The following TRAF3IP2 variants were observed in gnomAD, a reference collection of about 807,000 sequenced individuals.
TRAF3IP2 encodes TRAF3 interacting protein 2, also known as E3 ubiquitin ligase TRAF3IP2.
TRAF3IP2 carries 35 observed loss-of-function variants against 57.9 expected under a neutral mutation model. The ratio of observed to expected loss-of-function variants is 0.60; its 90% CI spans 0.46 to 0.80. The LOEUF is 0.80. TRAF3IP2 is among the 30% of genes least tolerant of loss of function. The pLI is 0.00. For synonymous variants in TRAF3IP2, 251 were observed against 268.9 expected (o/e 0.93, Z 0.65); for missense variants, 556 against 706.4 (o/e 0.79, Z 2.41).
Position 111,559,501 on chromosome 6 carries a change from C to T in TRAF3IP2, c.1602G>A (p.Lys534=). ...LQNTHVYSWP[K]NKKNILLRLL... ...GCCGCAGCAGGATGTTTTTTTTATT[C>T]TTGGGCCAGCTGTAGACATGAGTGT... Residue 534 remains lysine, a synonymous_variant, in exon 9 of 9, where the codon AAG becomes AAA. Coordinates refer to ENST00000368761, the MANE Select transcript of TRAF3IP2 (RefSeq NM_147686.4). The T allele has an allele frequency of 6.2e-7, 1 of 1,614,130 alleles. No individual in the cohort carries two copies. Among genetic ancestry groups the T allele is most frequent in the South Asian group, 1.1e-5 (1 of 91,086 alleles).
In TRAF3IP2 at chr6:111,558,816, TAC is replaced by T. The variant is rs1362669781; in HGVS notation, c.*587_*588del. On this transcript the variant is annotated 3_prime_UTR_variant, in exon 9 of 9. Coordinates refer to ENST00000368761, the MANE Select transcript of TRAF3IP2 (RefSeq NM_147686.4). ...TAACTAGCTGGCTTTAATCCATTAA[TAC>T]AGAGTGGTCTGTTATATTTATCTAA... The T allele has an allele frequency of 1.3e-5, 2 of 152,276 alleles. No homozygotes were observed. Among genetic ancestry groups the T allele is most frequent in the Non-Finnish European group, 2.9e-5 (2 of 68,060 alleles). 9.4% of individuals were successfully genotyped at this position (152,276 alleles called of 1,614,324 possible). A position where few individuals can be genotyped will look rare whatever the true frequency, so the allele number is the denominator to read the frequency against.
chr6:111,560,933 A>G (rs1222224564), intron 8 of TRAF3IP2, among the ~76,000 whole-genome samples: 2 of 152,228 alleles, frequency 1.3e-5, no homozygotes, highest in African/African-American at 4.8e-5. Context: ...CTGTAATCCC[A>G]GCACTGGGGA....
chr6:111,567,406 TCTGGTTTGAC>T (rs1370914365), intron 6 of TRAF3IP2: 6 of 1,297,974 alleles, frequency 4.6e-6, no homozygotes, highest in Non-Finnish European at 5.8e-6. Flanking sequence ...ACCACCTGTG[TCTGGTTTGAC>T]CGTTATTTCC....
intron 3 of TRAF3IP2, chr6:111,576,535 C>T (rs1462172637): frequency 1.3e-5 from 2 of 152,384 alleles, no homozygotes; most frequent in African/African-American, 4.8e-5. Flanking sequence ...TTACCAGCTT[C>T]ACAAGCGTCG....
intron 1 of TRAF3IP2, chr6:111,601,236 T>C (rs1395708565): frequency 1.3e-6 from 1 of 771,020 alleles, no homozygotes; most frequent in Non-Finnish European, 2.4e-6. Flanking sequence ...ACCTGTGTTC[T>C]GTACAGCATC....
chr6:111,591,841 G>A lies in TRAF3IP2; in HGVS notation c.246C>T (p.Cys82=). 6.2e-7 allele frequency: 1 copy of A among 1,614,244 alleles called. No homozygotes were observed. Among genetic ancestry groups the A allele is most frequent in the Non-Finnish European group, 8.5e-7 (1 of 1,180,048 alleles). The change falls in exon 2 of 9, where the codon TGC becomes TGT. Residue 82 remains cysteine, a synonymous_variant. Coordinates refer to ENST00000368761, the MANE Select transcript of TRAF3IP2 (RefSeq NM_147686.4). The surrounding 1 kb of genome is among the most constrained non-coding windows in gnomAD (Gnocchi z 4.9). ...HQRPVSRQVT[C]LRTQVLEDSE... Reference sequence around the variant, plus strand: ...TGTCCTCCAGAACTTGAGTGCGCAGGCAGGTGACCTGCCGGGATACAGGCC... The same window carrying A: ...TGTCCTCCAGAACTTGAGTGCGCAGACAGGTGACCTGCCGGGATACAGGCC...
rs1795628326 is a variant in TRAF3IP2 at position 111,566,141 on chromosome 6, T to TG, written c.1476+302dup. 2.0e-5 allele frequency among the ~76,000 whole-genome samples: 3 copies of TG among 152,310 alleles called. No individual in the cohort carries two copies. The South Asian group carries it at 6.2e-4, about 32-fold the overall frequency. ...CTCCTGCCTCCTAGGACTTCATAGT[T>TG]GCTGGTAAACAGCCAAGCCAGCAGA... On this transcript the variant is annotated intron_variant, in intron 7 of 8. Coordinates refer to ENST00000368761, the MANE Select transcript of TRAF3IP2 (RefSeq NM_147686.4).
chr6:111,570,432 C>T (rs1403001162), intron 5 of TRAF3IP2, among the ~76,000 whole-genome samples: 1 of 152,204 alleles, frequency 6.6e-6, no homozygotes, highest in African/African-American at 2.4e-5. Context: ...CTAAAACCTA[C>T]CCAAAGCTTT....
At position 111,559,521 on chromosome 6, in the gene TRAF3IP2, G is replaced by A. The variant is rs1457733439; in HGVS notation, c.1582C>T (p.His528Tyr). 6.2e-7 allele frequency: 1 copy of A among 1,614,166 alleles called. No homozygotes were observed. Among genetic ancestry groups the A allele is most frequent in the East Asian group, 2.2e-5 (1 of 44,888 alleles). ...EHVPTWLQNTHVYSWPKNKKN... is the reference protein window; with the variant it reads ...EHVPTWLQNTYVYSWPKNKKN... The stretch of plus-strand genomic sequence containing the variant: ...TTATTCTTGGGCCAGCTGTAGACAT[G>A]AGTGTTCTGAAGCCAGGTGGGCACA... Residue 528 changes from histidine (H) to tyrosine (Y), a missense_variant, in exon 9 of 9, where the codon CAT (histidine) becomes TAT (tyrosine). His to Tyr is a moderately conservative substitution (Grantham distance 83). Around this residue, in one of 2 missense-constraint regions of TRAF3IP2, gnomAD observed 128 missense variants for 207.7 expected, o/e 0.62. Coordinates refer to ENST00000368761, the MANE Select transcript of TRAF3IP2 (RefSeq NM_147686.4).
chr6:111,569,213 C>T (rs1795749096), intron 5 of TRAF3IP2, among the ~76,000 whole-genome samples: 1 of 152,202 alleles, frequency 6.6e-6, no homozygotes, highest in Non-Finnish European at 1.5e-5. Flanking sequence ...TAATCCATTG[C>T]TATTATATGG....
intron 7 of TRAF3IP2, among the ~76,000 whole-genome samples, chr6:111,564,482 CACCCTTCCAGAAACTGAGTTTCTGTA>C (rs533938839): frequency 3.9e-5 from 6 of 152,296 alleles, no homozygotes; most frequent in Non-Finnish European, 7.3e-5. Flanking sequence ...TATTTTCTCT[CACCCTTCCAGAAACTGAGTTTCTGTA>C]AACTAATTCA....
chr6:111,596,079 C>T (rs1203821829), intron 1 of TRAF3IP2, among the ~76,000 whole-genome samples: 2 of 152,124 alleles, frequency 1.3e-5, no homozygotes, highest in Non-Finnish European at 2.9e-5. Context: ...TGGCTGTCAC[C>T]TCAGGGAGGT....
chr6:111,594,297 G>T (rs1796613996), intron 1 of TRAF3IP2, among the ~76,000 whole-genome samples: 1 of 152,016 alleles, frequency 6.6e-6, no homozygotes. Flanking sequence ...TGCACTTGTG[G>T]GCACACAGCT....
chr6:111,577,909 C>T (rs367576603), intron 3 of TRAF3IP2, among the ~76,000 whole-genome samples: 7 of 151,774 alleles, frequency 4.6e-5, no homozygotes, highest in East Asian at 1.9e-4. Context: ...GATGGGTTTT[C>T]GCTATGTTGC....
At chr6:111,585,747 T>C (rs377385265) in intron 2 of TRAF3IP2, among the ~76,000 whole-genome samples, 1 of 152,208 alleles carries the variant, frequency 6.6e-6, no homozygotes, top group Non-Finnish European at 1.5e-5. Flanking sequence ...GATGATGTGA[T>C]AGACAAATGA....
At chr6:111,567,365 G>C in intron 6 of TRAF3IP2, 1 of 1,212,640 alleles carries the variant, frequency 8.2e-7, no homozygotes. Context: ...TCCTATTCTC[G>C]TCAAAAGATT....
Position 111,592,056 on chromosome 6 carries a change from C to A in TRAF3IP2, c.31G>T (p.Glu11Ter). The part of the protein sequence containing the change: MNRSIPVEVD[E>*]SEPYPSQLLK... ...AACTGACTTGGGTATGGTTCTGATT[C>A]ATCAACCTCCACAGGAATGCTTCGG... Residue 11 changes from glutamate to a stop codon, truncating the protein, a stop_gained, in exon 2 of 9, where the codon GAA (glutamate) becomes TAA (stop). Coordinates refer to ENST00000368761, the MANE Select transcript of TRAF3IP2 (RefSeq NM_147686.4). LOFTEE classifies it high-confidence loss of function. 1 of 1,614,170 alleles carries A rather than the reference C, an allele frequency of 6.2e-7. No individual in the cohort carries two copies. Among genetic ancestry groups the A allele is most frequent in the South Asian group, 1.1e-5 (1 of 91,068 alleles).
chr6:111,598,829 C>T (rs1460162687), intron 1 of TRAF3IP2, among the ~76,000 whole-genome samples: 1 of 152,154 alleles, frequency 6.6e-6, no homozygotes, highest in African/African-American at 2.4e-5. Flanking sequence ...AGAACCAATG[C>T]GAATGAGGAA....
At chr6:111,594,542 T>G (rs1202682088) in intron 1 of TRAF3IP2, 2 of 448,510 alleles carry the variant, frequency 4.5e-6, no homozygotes, top group Non-Finnish European at 8.9e-6. Flanking sequence ...TGGAGGAGGC[T>G]TTAAAAAAAG....
Sources: gnomAD v4.1 joint callset for allele counts (sites outside exome capture counted in the v4.1 genomes callset) on GRCh38, gnomAD v4.1.1 for gene constraint, gnomAD v4.1.1 regional missense constraint, Gnocchi (gnomAD v3.1) non-coding constraint, MANE v1.5 for transcripts, NCBI Gene and HGNC (gene_info 2026-07-23, HGNC 2026-07-21) for gene names.